The following DOK5 variants were observed in gnomAD, a reference collection of about 807,000 sequenced individuals.
DOK5 encodes downstream of tyrosine kinase 5.
In DOK5, 27 loss-of-function variants were observed where a neutral mutation model predicts 43.3. The observed-to-expected ratio is 0.62, with a 90% CI of 0.46 to 0.86. The LOEUF is 0.86. Ranked by LOEUF, DOK5 falls within the 40% of genes least tolerant of loss-of-function variation. DOK5 has a pLI of 0.00. For synonymous variants in DOK5, 146 were observed against 140.1 expected (o/e 1.04, Z -0.30); for missense variants, 373 against 392.9 (o/e 0.95, Z 0.43).
chr20:54,624,709 CA>C (rs1412780283), intron 6 of DOK5, among the ~76,000 whole-genome samples: 4 of 152,192 alleles, frequency 2.6e-5, no homozygotes, highest in African/African-American at 9.7e-5. Context: ...GCAAAGGGAG[CA>C]GTGAATTTGT....
At chr20:54,636,087 C>T (rs887204336) in intron 6 of DOK5, among the ~76,000 whole-genome samples, 1 of 152,184 alleles carries the variant, frequency 6.6e-6, no homozygotes, top group Admixed American at 6.5e-5. Context: ...GATGAACCTA[C>T]TCCTGCAATA....
chr20:54,624,198 A>C (rs758353828), intron 6 of DOK5, among the ~76,000 whole-genome samples: 2 of 152,238 alleles, frequency 1.3e-5, no homozygotes, highest in Non-Finnish European at 2.9e-5. Flanking sequence ...ATGTGAATAC[A>C]TGGTGTAGGC....
At chr20:54,484,153 T>C (rs912414273) in intron 1 of DOK5, among the ~76,000 whole-genome samples, 6 of 151,310 alleles carry the variant, frequency 4.0e-5, no homozygotes, top group Non-Finnish European at 5.9e-5. Context: ...CCGAGGCGGG[T>C]GGATCACCCG....
chr20:54,609,634 G>A (rs371554026), intron 5 of DOK5, among the ~76,000 whole-genome samples: 54 of 151,848 alleles, frequency 3.6e-4, no homozygotes, highest in African/African-American at 1.3e-3. Flanking sequence ...TAAGTAAAAA[G>A]CATTTATTTG....
At chr20:54,564,581 A>C (rs1985028621) in intron 2 of DOK5, among the ~76,000 whole-genome samples, 1 of 152,328 alleles carries the variant, frequency 6.6e-6, no homozygotes, top group East Asian at 1.9e-4. Flanking sequence ...TATATGCCAG[A>C]ATGACAGGTT....
At chr20:54,532,171 A>G (rs1189545441) in intron 1 of DOK5, among the ~76,000 whole-genome samples, 2 of 152,196 alleles carry the variant, frequency 1.3e-5, no homozygotes, top group Non-Finnish European at 2.9e-5. Context: ...GGTGATTTAA[A>G]TGTAGTAACT....
chr20:54,548,406 A>T (rs57628263), intron 1 of DOK5, among the ~76,000 whole-genome samples: 13 of 144,632 alleles, frequency 9.0e-5, no homozygotes, highest in African/African-American at 3.3e-4. Flanking sequence ...TAATTTTTGT[A>T]TTTTTTTTTT....
chr20:54,559,567 G>T (rs1421662399), intron 2 of DOK5, among the ~76,000 whole-genome samples: 2 of 152,180 alleles, frequency 1.3e-5, no homozygotes, highest in African/African-American at 2.4e-5. Context: ...CAAAGAAATT[G>T]GCAACTGCAA....
chr20:54,588,117 G>T (rs984753541), intron 2 of DOK5, among the ~76,000 whole-genome samples: 1 of 152,098 alleles, frequency 6.6e-6, no homozygotes, highest in African/African-American at 2.4e-5. Context: ...TGAGAAAGAA[G>T]GCTGTCCACA....
intron 1 of DOK5, among the ~76,000 whole-genome samples, chr20:54,504,893 T>C (rs552652898): frequency 6.6e-6 from 1 of 152,264 alleles, no homozygotes; most frequent in African/African-American, 2.4e-5. Flanking sequence ...CAGTACCCAT[T>C]GGAGAATTTT....
intron 1 of DOK5, among the ~76,000 whole-genome samples, chr20:54,482,605 T>G (rs2146657939): frequency 6.6e-6 from 1 of 152,226 alleles, no homozygotes. Context: ...CAATCAATTC[T>G]CCTGCCTCAG....
At chr20:54,481,733 G>C (rs1490682634) in intron 1 of DOK5, among the ~76,000 whole-genome samples, 3 of 152,186 alleles carry the variant, frequency 2.0e-5, no homozygotes, top group Non-Finnish European at 1.5e-5. Context: ...CTGTGTTGTG[G>C]CTTAAGAGCA....
At chr20:54,521,968 T>C (rs1288674896) in intron 1 of DOK5, among the ~76,000 whole-genome samples, 1 of 152,248 alleles carries the variant, frequency 6.6e-6, no homozygotes, top group African/African-American at 2.4e-5. Context: ...TTTCTTGTTA[T>C]ATCACACCAG....
chr20:54,544,372 G>T (rs1984267852), intron 1 of DOK5, among the ~76,000 whole-genome samples: 1 of 152,094 alleles, frequency 6.6e-6, no homozygotes, highest in Non-Finnish European at 1.5e-5. Flanking sequence ...TATTATGACT[G>T]GGGGAGGCCC....
intron 1 of DOK5, among the ~76,000 whole-genome samples, chr20:54,553,350 C>T (rs1369137889): frequency 1.3e-5 from 2 of 152,174 alleles, no homozygotes; most frequent in Admixed American, 6.5e-5. Context: ...TGCCCGCCAC[C>T]ATGCCCGGCT....
At chr20:54,599,721 C>G (rs1467608531) in intron 5 of DOK5, among the ~76,000 whole-genome samples, 1 of 152,146 alleles carries the variant, frequency 6.6e-6, no homozygotes, top group East Asian at 1.9e-4. Context: ...TAGGTGATGG[C>G]CCACTGGTGT....
chr20:54,499,174 A>G (rs1232801233), intron 1 of DOK5, among the ~76,000 whole-genome samples: 1 of 152,244 alleles, frequency 6.6e-6, no homozygotes, highest in Non-Finnish European at 1.5e-5. Flanking sequence ...GATAAGGTTT[A>G]AACATTGCTG....
chr20:54,517,414 A>T (rs1323124036), intron 1 of DOK5, among the ~76,000 whole-genome samples: 5 of 152,204 alleles, frequency 3.3e-5, no homozygotes, highest in Admixed American at 2.0e-4. Flanking sequence ...TGTATGCTGG[A>T]GTCACGCAAT....
At chr20:54,538,458 A>G (rs1480669355) in intron 1 of DOK5, among the ~76,000 whole-genome samples, 1 of 152,186 alleles carries the variant, frequency 6.6e-6, no homozygotes, top group Non-Finnish European at 1.5e-5. Context: ...TCTACCTTAA[A>G]AAATAGTTGA....
Sources: gnomAD v4.1 joint callset for allele counts (sites outside exome capture counted in the v4.1 genomes callset) on GRCh38, gnomAD v4.1.1 for gene constraint, MANE v1.5 for transcripts, NCBI Gene and HGNC (gene_info 2026-07-23, HGNC 2026-07-21) for gene names.